The following SPATA13 variants were observed in gnomAD, a reference collection of about 807,000 sequenced individuals.
SPATA13 encodes spermatogenesis-associated protein 13.
A neutral mutation model predicts 104.0 loss-of-function variants in SPATA13; 50 were observed. The ratio of observed to expected loss-of-function variants is 0.48; its 90% CI spans 0.38 to 0.61. The LOEUF (loss-of-function observed/expected upper bound fraction) is 0.61, where lower values mean the gene tolerates loss of function less well. Among genes scored for constraint, SPATA13 ranks in the 20% least tolerant of loss-of-function variants. SPATA13 has a pLI of 0.00. For missense variants in SPATA13, 1,524 were observed against 1,690.6 expected, an observed-to-expected ratio of 0.90 and a Z score of 1.73; for synonymous variants, 606 against 667.5, an observed-to-expected ratio of 0.91 and a Z score of 1.42.
At chr13:24,270,930 G>A (rs187031100) in intron 4 of SPATA13, 4 of 1,572,842 alleles carry the variant, frequency 2.5e-6, no homozygotes, top group African/African-American at 2.7e-5. Flanking sequence ...TGCAAAGAAT[G>A]GATTGTTGTA....
intron 3 of SPATA13, among the ~76,000 whole-genome samples, chr13:24,027,034 T>C (rs1877251789): frequency 6.6e-6 from 1 of 152,082 alleles, no homozygotes; most frequent in African/African-American, 2.4e-5. Flanking sequence ...TTTAAATATA[T>C]AGTATATATG....
intron 3 of SPATA13, among the ~76,000 whole-genome samples, chr13:24,040,455 G>A (rs2094113): frequency 0.5 from 75,217 of 151,524 alleles, 21,098 homozygotes; most frequent in East Asian, 0.64. Flanking sequence ...TCACAGCACC[G>A]CCCTTGACAG....
intron 1 of SPATA13, among the ~76,000 whole-genome samples, chr13:24,221,926 C>T (rs1189597099): frequency 6.6e-6 from 1 of 151,144 alleles, no homozygotes; most frequent in African/African-American, 2.4e-5. Flanking sequence ...GATTCTCCTG[C>T]TTCAGCCTCC....
At chr13:24,095,833 A>C (rs1247405548) in intron 3 of SPATA13, among the ~76,000 whole-genome samples, 2 of 152,226 alleles carry the variant, frequency 1.3e-5, no homozygotes, top group Non-Finnish European at 2.9e-5. Context: ...AAAAACCGTC[A>C]TTTCTATCTA....
intron 11 of SPATA13, among the ~76,000 whole-genome samples, chr13:24,298,968 G>C (rs1430505330): frequency 6.6e-6 from 1 of 152,138 alleles, no homozygotes; most frequent in Admixed American, 6.5e-5. Context: ...AAGTGTCAGG[G>C]TGTCCTTTAC....
chr13:24,264,437 T>C (rs887232301), intron 4 of SPATA13, among the ~76,000 whole-genome samples: 1 of 152,152 alleles, frequency 6.6e-6, no homozygotes. Flanking sequence ...TTTTCCTAGC[T>C]TGGCTAAGCA....
At chr13:24,297,896 C>T (rs7337824) in intron 11 of SPATA13, among the ~76,000 whole-genome samples, 161 bp downstream of exon 11, 20,941 of 152,256 alleles carry the variant, frequency 0.14, 1,871 homozygotes, top group African/African-American at 0.25. Context: ...CTTCTGAATG[C>T]ACTTACAAGA....
rs79720032 is a variant in SPATA13 at position 24,046,892 on chromosome 13, G to C, written c.-112+29191G>C. Among the ~76,000 whole-genome samples the C allele has an allele frequency of 3.8e-3, 574 of 152,228 alleles. 5 individuals carry two copies. Among genetic ancestry groups the C allele is most frequent in the African/African-American group, 0.013 (534 of 41,532 alleles). Reference sequence around the variant, plus strand: ...ATAAAATCAGTTCACTGAGACAGCGGTATTGCAGTAGAGAACAAGTTTAAT... The same window carrying C: ...ATAAAATCAGTTCACTGAGACAGCGCTATTGCAGTAGAGAACAAGTTTAAT... On this transcript the variant is annotated intron_variant, in intron 3 of 14. Transcript: ENST00000424834.
At chr13:24,175,212 T>C (rs117420216) in intron 1 of SPATA13, among the ~76,000 whole-genome samples, 414 of 150,368 alleles carry the variant, frequency 2.8e-3, no homozygotes, top group Non-Finnish European at 4.9e-3. Flanking sequence ...ACAGACTCAG[T>C]AGTGATGCTT....
Position 24,051,989 on chromosome 13 carries a change from G to A in SPATA13, c.-112+34288G>A, listed in dbSNP as rs1384975150. Among the ~76,000 whole-genome samples the A allele has an allele frequency of 1.3e-5, 2 of 152,148 alleles. No homozygotes were observed. The highest frequency in any genetic ancestry group is 4.8e-5 in the African/African-American group (2 of 41,412). On this transcript the variant is annotated intron_variant, in intron 3 of 14. Coordinates refer to the SPATA13 transcript ENST00000424834. The surrounding 1 kb of genome is among the most constrained non-coding windows in gnomAD (Gnocchi z 4.2). ...TCCTCCCACCTCATCTGTGCACCTT[G>A]CCAGTCCTTTGGCTTCCTCTGCGTG...
At chr13:24,134,934 A>G (rs892612111) in intron 3 of SPATA13, among the ~76,000 whole-genome samples, 1 of 152,226 alleles carries the variant, frequency 6.6e-6, no homozygotes, top group Admixed American at 6.5e-5. Context: ...CTCCAATCCA[A>G]CATGACTGGT....
At chr13:24,049,738 C>T (rs1396391654) in intron 3 of SPATA13, among the ~76,000 whole-genome samples, 2 of 152,114 alleles carry the variant, frequency 1.3e-5, no homozygotes. Flanking sequence ...AAGGCATGTG[C>T]ACCACATGTG....
chr13:24,186,733 G>T (rs1329002245), intron 1 of SPATA13, among the ~76,000 whole-genome samples: 1 of 152,176 alleles, frequency 6.6e-6, no homozygotes, highest in Non-Finnish European at 1.5e-5. Flanking sequence ...AGAGGGAAGT[G>T]CTCCACAGGG....
At chr13:24,052,836 T>TGTGCCCCCGCATCCC (rs1878392817) in intron 3 of SPATA13, among the ~76,000 whole-genome samples, 2 of 13,628 alleles carry the variant, frequency 1.5e-4, no homozygotes, top group Non-Finnish European at 2.3e-4. Flanking sequence ...CAGGGGATCC[T>TGTGCCCCCGCATCCC]CCCCGCCACT....
intron 3 of SPATA13, among the ~76,000 whole-genome samples, chr13:24,090,527 A>G (rs1030344542): frequency 1.3e-5 from 2 of 151,710 alleles, no homozygotes; most frequent in Non-Finnish European, 2.9e-5. Context: ...CTTTTTTCCC[A>G]TGCTCCCCCA....
chr13:24,146,845 ACCGCATCCGTCC>A (rs902407140), intron 3 of SPATA13, among the ~76,000 whole-genome samples: 2 of 151,892 alleles, frequency 1.3e-5, no homozygotes, highest in African/African-American at 4.8e-5. Context: ...TTTCTTTACC[ACCGCATCCGTCC>A]CCGCCCCACC....
At chr13:24,092,972 G>T (rs892667361) in intron 3 of SPATA13, among the ~76,000 whole-genome samples, 1 of 152,180 alleles carries the variant, frequency 6.6e-6, no homozygotes, top group Non-Finnish European at 1.5e-5. Context: ...CTTACACAGA[G>T]AATCTGAGAG....
At chr13:24,119,689 GA>G (rs963485972) in intron 3 of SPATA13, among the ~76,000 whole-genome samples, 3 of 152,178 alleles carry the variant, frequency 2.0e-5, no homozygotes, top group African/African-American at 7.2e-5. Flanking sequence ...CTTAGCAAAA[GA>G]ATCTGAACTC....
chr13:24,002,204 A>C lies in SPATA13; in HGVS notation c.-146-15463A>C, dbSNP rs563980655. On this transcript the variant is annotated intron_variant, in intron 2 of 14. Coordinates refer to the SPATA13 transcript ENST00000424834. The stretch of plus-strand genomic sequence containing the variant: ...CAAGCAGAGGTCTAAGATGATGGTC[A>C]TGTATGTGTCCATCCACCTATTCAA... Among the ~76,000 whole-genome samples the C allele has an allele frequency of 4.6e-5, 7 of 152,252 alleles. No homozygotes were observed. In the South Asian group the frequency reaches 1.0e-3, roughly 23 times the overall value.
Sources: gnomAD v4.1 joint callset for allele counts (sites outside exome capture counted in the v4.1 genomes callset) on GRCh38, gnomAD v4.1.1 for gene constraint, Gnocchi (gnomAD v3.1) non-coding constraint, MANE v1.5 for transcripts, NCBI Gene and HGNC (gene_info 2026-07-23, HGNC 2026-07-21) for gene names.